APOOL: variants seen among roughly 807,000 people sequenced by gnomAD.
APOOL encodes the protein apolipoprotein O like.
In APOOL, 12 loss-of-function variants were observed where a neutral mutation model predicts 23.1. The ratio of observed to expected loss-of-function variants is 0.52; its 90% confidence interval spans 0.33 to 0.84. APOOL has a LOEUF of 0.84. Ranked by LOEUF, APOOL falls within the 40% of genes least tolerant of loss-of-function variation. The pLI is 0.02. For synonymous variants in APOOL, 77 were observed against 69.9 expected, an observed-to-expected ratio of 1.10 and a Z score of -0.51; for missense variants, 212 against 199.6, an observed-to-expected ratio of 1.06 and a Z score of -0.37.
chrX:85,016,050 G>A (rs1420983420), intron 1 of APOOL, among the ~76,000 whole-genome samples: 1 of 109,704 alleles, frequency 9.1e-6, no homozygotes, highest in Non-Finnish European at 1.9e-5. Context: ...GGAATGGCAG[G>A]GATCTTTTGA....
chrX:85,029,711 CATAA>C (rs1250647260), intron 1 of APOOL, among the ~76,000 whole-genome samples: 7 of 111,376 alleles, frequency 6.3e-5, no homozygotes, highest in South Asian at 3.8e-4. Flanking sequence ...GGGCAAAGAA[CATAA>C]ATAGACATTT....
intron 1 of APOOL, among the ~76,000 whole-genome samples, chrX:85,041,655 C>T (rs1163954852): frequency 9.0e-6 from 1 of 111,357 alleles, no homozygotes; most frequent in Non-Finnish European, 1.9e-5. Context: ...TCCTTATGTG[C>T]CTGAGTGGCA....
chrX:85,027,840 T>A (rs1182748566), intron 1 of APOOL, among the ~76,000 whole-genome samples: 5 of 112,097 alleles, frequency 4.5e-5, no homozygotes, highest in African/African-American at 1.6e-4. Context: ...TTTTTACTAG[T>A]TTGATAGGTG....
chrX:85,060,287 A>C (rs2147652871), intron 5 of APOOL, among the ~76,000 whole-genome samples: 1 of 105,221 alleles, frequency 9.5e-6, no homozygotes, highest in East Asian at 3.0e-4. Flanking sequence ...GTAGCCTTGT[A>C]GTATAGTTTG....
At chrX:85,020,146 C>G (rs1215411676) in intron 1 of APOOL, among the ~76,000 whole-genome samples, 1 of 111,885 alleles carries the variant, frequency 8.9e-6, no homozygotes, top group Non-Finnish European at 1.9e-5. Flanking sequence ...AAAACCCTGA[C>G]TCAGAGAAAA....
intron 1 of APOOL, among the ~76,000 whole-genome samples, chrX:85,016,637 C>T (rs1228218912): frequency 6.9e-5 from 5 of 72,026 alleles, no homozygotes; most frequent in Admixed American, 5.2e-4. Context: ...TTGGGGAAGC[C>T]CCTGCTGTGT....
chrX:85,024,299 C>T (rs187624390), intron 1 of APOOL, among the ~76,000 whole-genome samples: 23 of 112,221 alleles, frequency 2.0e-4, no homozygotes, highest in African/African-American at 7.1e-4. Flanking sequence ...AAGCATTCCT[C>T]GGAGTATGCA....
intron 2 of APOOL, among the ~76,000 whole-genome samples, chrX:85,048,040 A>G (rs1456059707): frequency 9.0e-6 from 1 of 111,719 alleles, no homozygotes; most frequent in Non-Finnish European, 1.9e-5. Context: ...GAATCTATAT[A>G]TACATCTATA....
At chrX:85,009,025 GCTTT>G (rs765249419) in intron 1 of APOOL, among the ~76,000 whole-genome samples, 22 of 111,583 alleles carry the variant, frequency 2.0e-4, no homozygotes, top group African/African-American at 6.5e-4. Flanking sequence ...AAATGGGATT[GCTTT>G]CTTTCTTTCT....
In APOOL at chrX:85,088,122, A is replaced by G; in HGVS notation, c.*444A>G. 1 of 11,706 alleles carries G rather than the reference A, an allele frequency of 8.5e-5. No homozygotes were observed. The highest frequency in any genetic ancestry group is 1.5e-4 in the Non-Finnish European group (1 of 6,817). 1.0% of individuals were successfully genotyped at this position (11,706 alleles called of 1,213,427 possible). A position where few individuals can be genotyped will look rare whatever the true frequency, so the allele number is the denominator to read the frequency against. ...TACATATTTATACATATATGTATAAATACATACATATTTATACATATATGT... is the reference window on the plus strand; with the variant it reads ...TACATATTTATACATATATGTATAAGTACATACATATTTATACATATATGT... On this transcript the variant is annotated 3_prime_UTR_variant, in exon 9 of 9. Coordinates refer to ENST00000373173, the MANE Select transcript of APOOL (RefSeq NM_198450.6).
chrX:85,086,235 C>T lies in APOOL; in HGVS notation c.719-1355C>T, dbSNP rs111390329. 4.4e-3 allele frequency among the ~76,000 whole-genome samples: 492 copies of T among 111,337 alleles called. 2 individuals are homozygous for T. The highest frequency in any genetic ancestry group is 0.015 in the African/African-American group (468 of 30,671). The stretch of plus-strand genomic sequence containing the variant: ...TCTTCACTTGGCCTGTGGGATATCT[C>T]TTGCTCTTGGTTCTCTTACCTCATT... On this transcript the variant is annotated intron_variant, in intron 8 of 8. Transcript: ENST00000373173.
chrX:85,075,577 A>G lies in APOOL; in HGVS notation c.718+1186A>G, dbSNP rs1317354713. Among the ~76,000 whole-genome samples the G allele has an allele frequency of 7.2e-5, 8 of 111,862 alleles. No individual in the cohort carries two copies. In the East Asian group the frequency reaches 2.3e-3, roughly 32 times the overall value. The stretch of plus-strand genomic sequence containing the variant: ...CTTTTCTAATCAAGAGGAGCTATAC[A>G]GTTTTTAGACTCTGAATAATCTACC... On this transcript the variant is annotated intron_variant, in intron 8 of 8. Coordinates refer to ENST00000373173, the MANE Select transcript of APOOL (RefSeq NM_198450.6).
intron 1 of APOOL, among the ~76,000 whole-genome samples, chrX:85,009,007 G>A (rs761747986): frequency 9.0e-6 from 1 of 111,652 alleles, no homozygotes; most frequent in South Asian, 3.7e-4. Flanking sequence ...TCTTTCTGAT[G>A]CTATTTTAAA....
chrX:85,028,192 T>G (rs777718566), intron 1 of APOOL, among the ~76,000 whole-genome samples: 1 of 111,586 alleles, frequency 9.0e-6, no homozygotes, highest in Admixed American at 9.5e-5. Context: ...AACAAGGTGT[T>G]GGCAGGCATG....
chrX:85,074,094 C>T lies in APOOL; in HGVS notation c.583C>T (p.Pro195Ser). The change falls in exon 7 of 9, where the codon CCT becomes TCT. Residue 195 changes from proline (P) to serine (S), a missense_variant. Pro to Ser is a moderately conservative substitution (Grantham distance 74, BLOSUM62 -1). Coordinates refer to ENST00000373173, the MANE Select transcript of APOOL (RefSeq NM_198450.6). ...CAGCAAAGAAGAGTCACTCCCTAAA[C>T]CTAAAGAAAAAACTAAGGTAGAGTT... ...KSSKEESLPK[P>S]KEKTKLGSSS... 2 of 1,163,545 alleles carry T rather than the reference C, an allele frequency of 1.7e-6. No homozygotes were observed. The highest frequency in any genetic ancestry group is 1.1e-6 in the Non-Finnish European group (1 of 871,539).
rs762830879 is a variant in APOOL at position 85,054,211 on chromosome X, G to A, written c.241-133G>A. ...AAAACAAGCTGGTAGTGAATACATAGGAAAGCTGGATTTAGATTTGGGCAT... is the reference window on the plus strand; with the variant it reads ...AAAACAAGCTGGTAGTGAATACATAAGAAAGCTGGATTTAGATTTGGGCAT... On this transcript the variant is annotated intron_variant, in intron 3 of 8. Transcript: ENST00000373173. 140 of 536,278 alleles carry A rather than the reference G, an allele frequency of 2.6e-4. No individual in the cohort carries two copies. The Admixed American group carries it at 3.7e-3, about 14-fold the overall frequency. The allele number at this position is 536,278 out of a possible 1,213,427, so 44.2% of individuals were successfully genotyped here.
intron 1 of APOOL, among the ~76,000 whole-genome samples, chrX:85,045,284 A>T (rs969851298): frequency 5.4e-5 from 6 of 111,160 alleles, no homozygotes; most frequent in Admixed American, 9.6e-5. Context: ...CTTAGTGTTG[A>T]CTCTTAATTT....
chrX:85,063,343 A>T (rs1305602900), intron 5 of APOOL, among the ~76,000 whole-genome samples: 1 of 111,324 alleles, frequency 9.0e-6, no homozygotes, highest in Non-Finnish European at 1.9e-5. Flanking sequence ...TGCTCTTTCA[A>T]TACCCTTTAT....
intron 5 of APOOL, among the ~76,000 whole-genome samples, chrX:85,063,315 C>T (rs1181827451): frequency 2.7e-5 from 3 of 111,561 alleles, no homozygotes; most frequent in Non-Finnish European, 5.7e-5. Context: ...CAAACAAAGA[C>T]TATTTGACTT....
Sources: gnomAD v4.1 joint callset for allele counts (sites outside exome capture counted in the v4.1 genomes callset) on GRCh38, gnomAD v4.1.1 for gene constraint, MANE v1.5 for transcripts, NCBI Gene and HGNC (gene_info 2026-07-23, HGNC 2026-07-21) for gene names.